Variants in CDYL2 observed in about 807,000 individuals in gnomAD.
The protein encoded by CDYL2 is chromodomain Y like 2.
In CDYL2, 23 loss-of-function variants were observed where a neutral mutation model predicts 49.4. The ratio of observed to expected loss-of-function variants is 0.47; its 90% CI spans 0.34 to 0.66. CDYL2 has a LOEUF of 0.66. Ranked by LOEUF, CDYL2 falls within the 30% of genes least tolerant of loss-of-function variation. The pLI, the probability that CDYL2 is intolerant of heterozygous loss-of-function variation, is 0.01. For synonymous variants in CDYL2, 360 were observed against 268.8 expected (o/e 1.34, Z -3.32); for missense variants, 678 against 656.4 (o/e 1.03, Z -0.36).
intron 1 of CDYL2, among the ~76,000 whole-genome samples, chr16:80,767,709 A>T (rs1360818086): frequency 6.6e-6 from 1 of 152,222 alleles, no homozygotes; most frequent in Non-Finnish European, 1.5e-5. Flanking sequence ...CAGTCACAGG[A>T]TGCTGGAGAA....
At chr16:80,717,711 G>A (rs1420391351) in intron 1 of CDYL2, among the ~76,000 whole-genome samples, 1 of 152,206 alleles carries the variant, frequency 6.6e-6, no homozygotes, top group Non-Finnish European at 1.5e-5. Flanking sequence ...CTGTCCTTGG[G>A]AAGTTGGCCA....
intron 2 of CDYL2, 23 bp from the exon 3 acceptor site, chr16:80,633,259 G>C: frequency 1.9e-6 from 3 of 1,601,238 alleles, no homozygotes; most frequent in Non-Finnish European, 2.6e-6. Context: ...GATAAACAAT[G>C]TAAGAAACTG....
intron 5 of CDYL2, among the ~76,000 whole-genome samples, chr16:80,611,031 C>A (rs1906571556): frequency 6.6e-6 from 1 of 152,156 alleles, no homozygotes; most frequent in South Asian, 2.1e-4. Context: ...ACTGACCTGA[C>A]CACTCTCAAC....
chr16:80,758,459 T>G (rs1434658967), intron 1 of CDYL2, among the ~76,000 whole-genome samples: 1 of 151,836 alleles, frequency 6.6e-6, no homozygotes, highest in African/African-American at 2.4e-5. Flanking sequence ...TGTACAACAC[T>G]GGATGCAGAA....
chr16:80,656,119 C>T (rs776403584), intron 2 of CDYL2, among the ~76,000 whole-genome samples: 2 of 152,300 alleles, frequency 1.3e-5, no homozygotes, highest in Non-Finnish European at 2.9e-5. Context: ...AAGGTAGGGG[C>T]TAAAAGTACC....
At chr16:80,750,668 G>C (rs572539532) in intron 1 of CDYL2, among the ~76,000 whole-genome samples, 8 of 151,840 alleles carry the variant, frequency 5.3e-5, no homozygotes, top group South Asian at 4.2e-4. Context: ...ATTAGAAAAA[G>C]TTGCCAAAGA....
At chr16:80,761,843 A>G (rs992593336) in intron 1 of CDYL2, among the ~76,000 whole-genome samples, 2 of 151,886 alleles carry the variant, frequency 1.3e-5, no homozygotes, top group African/African-American at 4.8e-5. Context: ...ATGCACATAA[A>G]ATAACATGTG....
At position 80,601,741 on chromosome 16, in the gene CDYL2, C is replaced by T. The variant is rs1438394451; in HGVS notation, c.*2647G>A. On this transcript the variant is annotated 3_prime_UTR_variant, in exon 7 of 7. Coordinates refer to ENST00000570137, the MANE Select transcript of CDYL2 (RefSeq NM_152342.4). ...GCAAAAAGATTTCACCTGCTTTCAC[C>T]CAATTGGTGGAACTGACTGTATGGA... The T allele has an allele frequency of 6.6e-6, 1 of 152,138 alleles. No individual in the cohort carries two copies. Among genetic ancestry groups the T allele is most frequent in the East Asian group, 1.9e-4 (1 of 5,182 alleles). 9.4% of individuals were successfully genotyped at this position (152,138 alleles called of 1,614,324 possible). A position where few individuals can be genotyped will look rare whatever the true frequency, so the allele number is the denominator to read the frequency against.
At chr16:80,610,772 T>C (rs1211486698) in intron 5 of CDYL2, among the ~76,000 whole-genome samples, 1 of 152,114 alleles carries the variant, frequency 6.6e-6, no homozygotes, top group African/African-American at 2.4e-5. Flanking sequence ...CGGCTTTTTC[T>C]CTGGGGTTGT....
chr16:80,674,615 A>C (rs1004283225), intron 2 of CDYL2, among the ~76,000 whole-genome samples: 1 of 150,796 alleles, frequency 6.6e-6, no homozygotes, highest in Non-Finnish European at 1.5e-5. Flanking sequence ...GTCATTCCCC[A>C]CTCCCTCCTC....
chr16:80,766,118 G>A (rs1906715599), intron 1 of CDYL2, among the ~76,000 whole-genome samples: 1 of 152,000 alleles, frequency 6.6e-6, no homozygotes, highest in African/African-American at 2.4e-5. Context: ...CTAATGGATA[G>A]AGGTGTTTTT....
intron 1 of CDYL2, among the ~76,000 whole-genome samples, chr16:80,791,561 A>G (rs1907608480): frequency 6.6e-6 from 1 of 152,238 alleles, no homozygotes; most frequent in African/African-American, 2.4e-5. Context: ...TGATAAGCTG[A>G]GGAAGCTTGC....
intron 1 of CDYL2, among the ~76,000 whole-genome samples, chr16:80,726,395 A>G (rs1052884739): frequency 6.6e-6 from 1 of 152,248 alleles, no homozygotes; most frequent in African/African-American, 2.4e-5. Flanking sequence ...TTACTATAAC[A>G]TTTTACTAAA....
At chr16:80,791,812 T>C (rs1443265548) in intron 1 of CDYL2, among the ~76,000 whole-genome samples, 2 of 152,182 alleles carry the variant, frequency 1.3e-5, no homozygotes, top group Non-Finnish European at 2.9e-5. Context: ...CTTAAAGGCA[T>C]TTAATCAGGA....
chr16:80,636,472 C>T (rs1347061863), intron 2 of CDYL2, among the ~76,000 whole-genome samples: 1 of 152,178 alleles, frequency 6.6e-6, no homozygotes, highest in Non-Finnish European at 1.5e-5. Flanking sequence ...CATCACCGGT[C>T]ATTACAGAAA....
intron 2 of CDYL2, among the ~76,000 whole-genome samples, chr16:80,660,364 A>C (rs1386944417): frequency 6.6e-6 from 1 of 152,038 alleles, no homozygotes; most frequent in Non-Finnish European, 1.5e-5. Flanking sequence ...ACTGAAAGCC[A>C]AGCAGAAGGA....
At position 80,796,972 on chromosome 16, in the gene CDYL2, T is replaced by C. The variant is rs142317482; in HGVS notation, c.24+7178A>G. ...ATCCCCTCCTTCTTAAAATGCAATA[T>C]TCCATTGCCTTCCATACCAGCAACA... On this transcript the variant is annotated intron_variant, in intron 1 of 6. Coordinates refer to ENST00000570137, the MANE Select transcript of CDYL2 (RefSeq NM_152342.4). Among the ~76,000 whole-genome samples, 81 of 152,276 alleles carry C rather than the reference T, an allele frequency of 5.3e-4. 1 individual carries two copies. Among genetic ancestry groups the C allele is most frequent in the Non-Finnish European group, 1.0e-3 (69 of 68,020 alleles).
At chr16:80,788,968 C>T (rs1315747889) in intron 1 of CDYL2, among the ~76,000 whole-genome samples, 2 of 152,022 alleles carry the variant, frequency 1.3e-5, no homozygotes, top group Admixed American at 1.3e-4. Context: ...AGGACATGAC[C>T]AGACATCTCT....
chr16:80,777,946 T>C (rs1907143490), intron 1 of CDYL2, among the ~76,000 whole-genome samples: 1 of 149,698 alleles, frequency 6.7e-6, no homozygotes. Context: ...GGCTGAAACT[T>C]AGCATAATAC....
Sources: allele counts gnomAD v4.1 joint callset (sites outside exome capture counted in the v4.1 genomes callset), GRCh38; gene constraint gnomAD v4.1.1; transcripts MANE v1.5; gene names NCBI Gene and HGNC (gene_info 2026-07-23, HGNC 2026-07-21).